Variants in SETBP1 observed in about 807,000 individuals in gnomAD.
SETBP1 encodes the protein SET binding protein 1.
Under a neutral mutation model 101.0 loss-of-function variants are expected in SETBP1, and 9 were observed. The observed-to-expected ratio is 0.09, with a 90% CI of 0.05 to 0.16. SETBP1 has a LOEUF of 0.16. Ranked by LOEUF, SETBP1 falls within the 10% of genes least tolerant of loss-of-function variation. The pLI is 1.00. For synonymous variants in SETBP1, 818 were observed against 788.5 expected, an observed-to-expected ratio of 1.04 and a Z score of -0.63; for missense variants, 1,858 against 2,033.8, an observed-to-expected ratio of 0.91 and a Z score of 1.66.
chr18:44,934,145 CTTT>C (rs112443508), intron 3 of SETBP1, among the ~76,000 whole-genome samples: 2 of 143,488 alleles, frequency 1.4e-5, no homozygotes, highest in African/African-American at 2.5e-5. Flanking sequence ...GTTGTTTTCC[CTTT>C]TTTTTTTTTT....
At chr18:44,986,938 A>AGTATAGTATAGTATT (rs1442030350) in intron 4 of SETBP1, 1 of 31,926 alleles carries the variant, frequency 3.1e-5, no homozygotes, top group Non-Finnish European at 9.6e-5. Context: ...AGTATAGTAT[A>AGTATAGTATAGTATT]GTATTGTATT....
At chr18:44,776,135 A>G (rs573018289) in intron 2 of SETBP1, among the ~76,000 whole-genome samples, 1 of 152,302 alleles carries the variant, frequency 6.6e-6, no homozygotes, top group African/African-American at 2.4e-5. Flanking sequence ...GGTACCCATC[A>G]TGAAGGTACT....
chr18:44,937,015 G>C (rs2070973223), intron 3 of SETBP1, among the ~76,000 whole-genome samples: 1 of 152,148 alleles, frequency 6.6e-6, no homozygotes, highest in African/African-American at 2.4e-5. Flanking sequence ...CCCTATTTCT[G>C]CTGGATGTTG....
At chr18:44,690,842 C>T (rs1324773217) in intron 1 of SETBP1, among the ~76,000 whole-genome samples, 1 of 152,142 alleles carries the variant, frequency 6.6e-6, no homozygotes, top group Non-Finnish European at 1.5e-5. Context: ...ATTTTCTTTA[C>T]GATGTGAATT....
At chr18:44,802,632 G>A (rs935701543) in intron 2 of SETBP1, among the ~76,000 whole-genome samples, 6 of 152,056 alleles carry the variant, frequency 3.9e-5, no homozygotes. Flanking sequence ...CCATGTGATT[G>A]CTTTATGCAC....
intron 4 of SETBP1, among the ~76,000 whole-genome samples, chr18:45,011,461 A>T (rs1432114469): frequency 6.6e-6 from 1 of 152,224 alleles, no homozygotes; most frequent in Non-Finnish European, 1.5e-5. Flanking sequence ...AGATAAGGAA[A>T]GGGTGTCTCA....
intron 2 of SETBP1, among the ~76,000 whole-genome samples, chr18:44,731,849 C>T (rs1184907459): frequency 3.3e-5 from 5 of 152,098 alleles, no homozygotes. Flanking sequence ...GTATGAAATA[C>T]AATATTCTCA....
At chr18:44,719,371 T>C (rs1398473376) in intron 2 of SETBP1, among the ~76,000 whole-genome samples, 2 of 150,790 alleles carry the variant, frequency 1.3e-5, no homozygotes, top group Non-Finnish European at 3.0e-5. Context: ...GGCAGGGGAG[T>C]GGTATGTGCG....
At chr18:45,042,954 G>A (rs890971342) in intron 5 of SETBP1, among the ~76,000 whole-genome samples, 1 of 152,160 alleles carries the variant, frequency 6.6e-6, no homozygotes, top group Non-Finnish European at 1.5e-5. Context: ...ATTCAAGGGA[G>A]CATTGCATCA....
chr18:45,056,855 G>T (rs2073816629), intron 5 of SETBP1, among the ~76,000 whole-genome samples: 2 of 152,180 alleles, frequency 1.3e-5, no homozygotes, highest in Admixed American at 1.3e-4. Flanking sequence ...AAGAAAAAAT[G>T]TGAAATAGGA....
At chr18:44,961,209 A>G (rs1207345283) in intron 4 of SETBP1, among the ~76,000 whole-genome samples, 1 of 152,254 alleles carries the variant, frequency 6.6e-6, no homozygotes, top group Non-Finnish European at 1.5e-5. Context: ...GGAAGGATGC[A>G]GAGAAGGAAT....
intron 3 of SETBP1, among the ~76,000 whole-genome samples, chr18:44,889,864 A>C (rs1568202332): frequency 6.6e-6 from 1 of 152,148 alleles, no homozygotes; most frequent in Non-Finnish European, 1.5e-5. Context: ...ATTTCTCTAA[A>C]AATGTTCTCC....
chr18:44,902,224 C>A (rs951544048), intron 3 of SETBP1, among the ~76,000 whole-genome samples: 162 of 41,616 alleles, frequency 3.9e-3, no homozygotes, highest in South Asian at 6.5e-3. Flanking sequence ...CTACATATAT[C>A]TCTCTCTTTC....
At chr18:44,703,638 C>T (rs751832902) in intron 2 of SETBP1, among the ~76,000 whole-genome samples, 15 of 151,916 alleles carry the variant, frequency 9.9e-5, no homozygotes, top group Non-Finnish European at 1.6e-4. Context: ...CAAACTGGGA[C>T]GATTGGTCAC....
chr18:45,009,919 G>GTT (rs1399763915), intron 4 of SETBP1, among the ~76,000 whole-genome samples: 2 of 152,158 alleles, frequency 1.3e-5, no homozygotes, highest in Non-Finnish European at 2.9e-5. Context: ...GCAGTGGACT[G>GTT]TTTAATCACG....
chr18:44,859,724 T>C (rs1406657474), intron 2 of SETBP1, among the ~76,000 whole-genome samples: 1 of 152,196 alleles, frequency 6.6e-6, no homozygotes, highest in Non-Finnish European at 1.5e-5. Context: ...TGAAAAATCA[T>C]AGTGACTTTT....
chr18:44,941,773 T>G (rs983742848), intron 3 of SETBP1, among the ~76,000 whole-genome samples: 44 of 152,088 alleles, frequency 2.9e-4, no homozygotes, highest in African/African-American at 9.9e-4. Context: ...TTTTTTTTTT[T>G]GTTTGAGATA....
intron 2 of SETBP1, among the ~76,000 whole-genome samples, chr18:44,835,536 A>G (rs2072477926): frequency 6.6e-6 from 1 of 152,228 alleles, no homozygotes; most frequent in African/African-American, 2.4e-5. Flanking sequence ...AATAGTTCTA[A>G]AAAAGAATTT....
chr18:44,951,699 A>C lies in SETBP1; in HGVS notation c.2359A>C (p.Asn787His). 1.2e-6 allele frequency: 2 copies of C among 1,614,186 alleles called. No individual in the cohort carries two copies. Among genetic ancestry groups the C allele is most frequent in the Non-Finnish European group, 1.7e-6 (2 of 1,180,032 alleles). The change falls in exon 4 of 6, where the codon AAT becomes CAT. Residue 787 changes from asparagine (N) to histidine (H), a missense_variant. Asn to His is a moderately conservative substitution (Grantham distance 68). Coordinates refer to ENST00000649279, the MANE Select transcript of SETBP1 (RefSeq NM_015559.3). This position sits in a 1 kb window ranked among gnomAD's most constrained non-coding sequence, Gnocchi z 7.8. The part of the protein sequence containing the change: ...HPLSTQLGGS[N>H]GNLSPASTET... ...ACTTTCAACACAGTTAGGTGGGTCC[A>C]ATGGCAACCTGAGCCCTGCCAGCAC...
Sources: allele counts gnomAD v4.1 joint callset (sites outside exome capture counted in the v4.1 genomes callset), GRCh38; gene constraint gnomAD v4.1.1; non-coding constraint Gnocchi (gnomAD v3.1); transcripts MANE v1.5; gene names NCBI Gene and HGNC (gene_info 2026-07-23, HGNC 2026-07-21).